JAGN1: variants seen among roughly 807,000 people sequenced by gnomAD.
JAGN1 encodes the protein protein jagunal homolog 1.
Under a neutral mutation model 17.1 loss-of-function variants are expected in JAGN1, and 13 were observed. The observed-to-expected ratio is 0.76, with a 90% CI of 0.49 to 1.21. The LOEUF is 1.21. Ranked by LOEUF, JAGN1 falls within the 50% of genes most tolerant of loss-of-function variation. The probability of loss-of-function intolerance (pLI) is 0.00; values close to 1 mark genes in which losing one functional copy is unlikely to be tolerated. For synonymous variants in JAGN1, 111 were observed against 91.0 expected (o/e 1.22, Z -1.25); for missense variants, 256 against 234.2 (o/e 1.09, Z -0.61).
At position 9,890,755 on chromosome 3, in the gene JAGN1, C is replaced by G; in HGVS notation, c.33C>G (p.Gly11=). Residue 11 remains glycine, a synonymous_variant, in exon 1 of 2, where the codon GGC becomes GGG. Transcript: ENST00000647897. MASRAGPRAA[G]TDGSDFQHRE... is the part of the protein sequence containing the mutation. ...CTCGAGCAGGCCCGCGAGCGGCCGG[C>G]ACCGACGGCAGCGACTTTCAGCACC... The G allele has an allele frequency of 3.1e-6, 5 of 1,609,968 alleles. No homozygotes were observed. The highest frequency in any genetic ancestry group is 4.2e-6 in the Non-Finnish European group (5 of 1,178,870).
rs1486170213 is a variant in JAGN1 at position 9,893,285 on chromosome 3, T to TAC, written c.460_461insAC (p.Leu154TyrfsTer18). On this transcript the variant is annotated frameshift_variant, in exon 2 of 2. Transcript: ENST00000647897. LOFTEE classifies it high-confidence loss of function. ...TTCCATCATGTACCTGGTGTTGGTGTTGGCAGTGCAAGTGCATGCCTGGCA... is the reference window on the plus strand; with the variant it reads ...TTCCATCATGTACCTGGTGTTGGTGTACTGGCAGTGCAAGTGCATGCCTGGCA... The TAC allele has an allele frequency of 6.2e-7, 1 of 1,614,224 alleles. No individual in the cohort carries two copies. Among genetic ancestry groups the TAC allele is most frequent in the Admixed American group, 1.7e-5 (1 of 60,020 alleles).
chr3:9,892,422 G>A (rs1440874881), intron 1 of JAGN1, among the ~76,000 whole-genome samples: 1 of 147,794 alleles, frequency 6.8e-6, no homozygotes, highest in Non-Finnish European at 1.5e-5. Context: ...CAGTCCTCCT[G>A]CTTCAGCCTA....
Position 9,893,156 on chromosome 3 carries a change from T to A in JAGN1, c.331T>A (p.Ser111Thr). Residue 111 changes from serine (S) to threonine (T), a missense_variant, in exon 2 of 2, where the codon TCC (serine) becomes ACC (threonine). Physicochemically the swap from Ser to Thr is moderately conservative, Grantham distance 58. Transcript: ENST00000647897. ...CTCCATGATCAGCATGGGACTCTTT[T>A]CCATCGCTCCACTCATTTATGGCAG... is the stretch of plus-strand genomic sequence containing the variant. ...VLSMISMGLFSIAPLIYGSME... is the reference protein window; with the variant it reads ...VLSMISMGLFTIAPLIYGSME... The A allele has an allele frequency of 6.2e-7, 1 of 1,614,198 alleles. No homozygotes were observed. The highest frequency in any genetic ancestry group is 8.5e-7 in the Non-Finnish European group (1 of 1,180,012).
intron 1 of JAGN1, 55 bp from the exon 2 acceptor site, chr3:9,892,860 T>C: frequency 2.1e-5 from 24 of 1,167,970 alleles, no homozygotes; most frequent in Non-Finnish European, 3.0e-5. Flanking sequence ...GTCTGGCATA[T>C]AGTTGGTGGT....
chr3:9,892,918 G>A lies in JAGN1; in HGVS notation c.93G>A (p.Val31=). 6.2e-7 allele frequency: 1 copy of A among 1,606,888 alleles called. No individual in the cohort carries two copies. Among genetic ancestry groups the A allele is most frequent in the Non-Finnish European group, 8.5e-7 (1 of 1,173,860 alleles). The part of the protein sequence containing the change: ...ERVAMHYQMS[V]TLKYEIKKLI... ...CTCCCTCTGCTCTGCCCCACAGTGT[G>A]ACTCTCAAGTATGAAATCAAGAAGC... is the stretch of plus-strand genomic sequence containing the variant. The change falls in exon 2 of 2, where the codon GTG becomes GTA. Residue 31 remains valine (V), a synonymous_variant. Coordinates refer to ENST00000647897, the MANE Select transcript of JAGN1 (RefSeq NM_032492.4).
rs1016016440 is a variant in JAGN1 at position 9,893,662 on chromosome 3, C to T, written c.*285C>T. 6 of 392,110 alleles carry T rather than the reference C, an allele frequency of 1.5e-5. No individual in the cohort carries two copies. The highest frequency in any genetic ancestry group is 1.0e-4 in the African/African-American group (5 of 49,380). 24.3% of individuals were successfully genotyped at this position (392,110 alleles called of 1,614,324 possible). A position where few individuals can be genotyped will look rare whatever the true frequency, so the allele number is the denominator to read the frequency against. ...AATGAGCTTCGTCCTTGCCTCTACT[C>T]GGTCATTCTCCCCATTTCCATCCAT... On this transcript the variant is annotated 3_prime_UTR_variant, in exon 2 of 2. Transcript: ENST00000647897.
chr3:9,893,224 C>T lies in JAGN1; in HGVS notation c.399C>T (p.Gly133=). 1.2e-6 allele frequency: 2 copies of T among 1,614,226 alleles called. No individual in the cohort carries two copies. Among genetic ancestry groups the T allele is most frequent in the Non-Finnish European group, 8.5e-7 (1 of 1,180,038 alleles). ...CTGCACAGCAGCTCTACCGCCATGG[C>T]AAGGCCTACCGTTTCCTCTTTGGTT... ...FPAAQQLYRH[G]KAYRFLFGFS... is the part of the protein sequence containing the mutation. The change falls in exon 2 of 2, where the codon GGC becomes GGT. Residue 133 remains glycine (G), a synonymous_variant. Transcript: ENST00000647897.
At position 9,892,345 on chromosome 3, in the gene JAGN1, T is replaced by G. The variant is rs1341782671; in HGVS notation, c.90-570T>G. 6.2e-5 allele frequency among the ~76,000 whole-genome samples: 9 copies of G among 145,730 alleles called. No individual in the cohort carries two copies. In the East Asian group the frequency reaches 1.2e-3, roughly 19 times the overall value. On this transcript the variant is annotated intron_variant, in intron 1 of 1. Coordinates refer to ENST00000647897, the MANE Select transcript of JAGN1 (RefSeq NM_032492.4). ...CTTTTTATTAGTAGTATTGTTGTTG[T>G]TTTTTTTTTTTATGGAGATGGGGTC...
rs1314153870 is a variant in JAGN1 at position 9,893,464 on chromosome 3, A to G, written c.*87A>G. 2.7e-6 allele frequency: 3 copies of G among 1,122,802 alleles called. No individual in the cohort carries two copies. Among genetic ancestry groups the G allele is most frequent in the East Asian group, 2.6e-5 (1 of 38,850 alleles). The allele number at this position is 1,122,802 out of a possible 1,614,324, so 69.6% of individuals were successfully genotyped here. On this transcript the variant is annotated 3_prime_UTR_variant, in exon 2 of 2. Transcript: ENST00000647897. ...CAAAATCCCTTCTGGTGATTTTAGC[A>G]GCTGTGATGTTGGTACCTGGTGCAG...
At position 9,893,173 on chromosome 3, in the gene JAGN1, T is replaced by A. The variant is rs772489827; in HGVS notation, c.348T>A (p.Ile116=). 6.2e-6 allele frequency: 10 copies of A among 1,614,230 alleles called. No individual in the cohort carries two copies. Among genetic ancestry groups the A allele is most frequent in the Non-Finnish European group, 8.5e-6 (10 of 1,180,030 alleles). The part of the protein sequence containing the change: ...SMGLFSIAPL[I]YGSMEMFPAA... ...GACTCTTTTCCATCGCTCCACTCAT[T>A]TATGGCAGCATGGAGATGTTCCCTG... Residue 116 remains isoleucine, a synonymous_variant, in exon 2 of 2, where the codon ATT becomes ATA. Transcript: ENST00000647897.
intron 1 of JAGN1, among the ~76,000 whole-genome samples, chr3:9,891,795 G>A (rs904712528): frequency 1.3e-5 from 2 of 152,104 alleles, no homozygotes; most frequent in African/African-American, 2.4e-5. Flanking sequence ...TGCCTTTAGG[G>A]ATATGAGGAG....
rs2082573471 is a variant in JAGN1, at chr3:9,893,040, A to G, written c.215A>G (p.Tyr72Cys). 4 of 1,614,164 alleles carry G rather than the reference A, an allele frequency of 2.5e-6. No individual in the cohort carries two copies. Among genetic ancestry groups the G allele is most frequent in the South Asian group, 1.1e-5 (1 of 91,074 alleles). The change falls in exon 2 of 2, where the codon TAT becomes TGT. Residue 72 changes from tyrosine (Y) to cysteine (C), a missense_variant. Coordinates refer to ENST00000647897, the MANE Select transcript of JAGN1 (RefSeq NM_032492.4). Reference protein sequence around the residue: ...LLSHDQVAMPYQWEYPYLLSI... With the variant: ...LLSHDQVAMPCQWEYPYLLSI... ...TCACATGATCAGGTGGCCATGCCCTATCAGTGGGAATACCCGTATTTGCTG... is the reference window on the plus strand; with the variant it reads ...TCACATGATCAGGTGGCCATGCCCTGTCAGTGGGAATACCCGTATTTGCTG...
At position 9,893,927 on chromosome 3, in the gene JAGN1, A is replaced by T. The variant is rs2082580026; in HGVS notation, c.*550A>T. On this transcript the variant is annotated 3_prime_UTR_variant, in exon 2 of 2. Coordinates refer to ENST00000647897, the MANE Select transcript of JAGN1 (RefSeq NM_032492.4). ...AAGGTGTGGCCTTAGACACTAGGAG[A>T]TGATGGGTAGAAGCTCCTTGAGAAA... is the stretch of plus-strand genomic sequence containing the variant. 1 of 155,726 alleles carries T rather than the reference A, an allele frequency of 6.4e-6. No individual in the cohort carries two copies. The highest frequency in any genetic ancestry group is 1.9e-4 in the South Asian group (1 of 5,152). 9.6% of individuals were successfully genotyped at this position (155,726 alleles called of 1,614,324 possible).
chr3:9,891,725 G>A (rs554593761), intron 1 of JAGN1, among the ~76,000 whole-genome samples: 45 of 152,182 alleles, frequency 3.0e-4, no homozygotes, highest in Admixed American at 2.4e-3. Flanking sequence ...TCTAGGCCCC[G>A]GCTGAAAGGG....
rs1297723571 is a variant in JAGN1, at chr3:9,894,062, A to T, written c.*685A>T. Reference sequence around the variant, plus strand: ...GGCCAGACATTTAATCTCTCCATCTATGAAATAGTCCATTCTCATTTATCT... The same window carrying T: ...GGCCAGACATTTAATCTCTCCATCTTTGAAATAGTCCATTCTCATTTATCT... On this transcript the variant is annotated 3_prime_UTR_variant, in exon 2 of 2. Coordinates refer to ENST00000647897, the MANE Select transcript of JAGN1 (RefSeq NM_032492.4). 6.6e-6 allele frequency: 1 copy of T among 152,360 alleles called. No individual in the cohort carries two copies. The highest frequency in any genetic ancestry group is 1.5e-5 in the Non-Finnish European group (1 of 68,150). 9.4% of individuals were successfully genotyped at this position (152,360 alleles called of 1,614,324 possible). A position where few individuals can be genotyped will look rare whatever the true frequency, so the allele number is the denominator to read the frequency against.
rs2082576502 is a variant in JAGN1 at position 9,893,394 on chromosome 3, A to G, written c.*17A>G. 6.4e-7 allele frequency: 1 copy of G among 1,568,670 alleles called. No homozygotes were observed. Among genetic ancestry groups the G allele is most frequent in the Non-Finnish European group, 8.7e-7 (1 of 1,152,692 alleles). Reference sequence around the variant, plus strand: ...CATAAATGAAGCCTCTTTGGGGTGAAGCCTGGACATCCCATCGAATGAAAG... The same window carrying G: ...CATAAATGAAGCCTCTTTGGGGTGAGGCCTGGACATCCCATCGAATGAAAG... On this transcript the variant is annotated 3_prime_UTR_variant, in exon 2 of 2. Coordinates refer to ENST00000647897, the MANE Select transcript of JAGN1 (RefSeq NM_032492.4).
At position 9,893,282 on chromosome 3, in the gene JAGN1, G is replaced by T. The variant is rs1041498115; in HGVS notation, c.457G>T (p.Val153Leu). The T allele has an allele frequency of 5.3e-5, 86 of 1,614,092 alleles. No homozygotes were observed. Among genetic ancestry groups the T allele is most frequent in the Non-Finnish European group, 7.1e-5 (84 of 1,180,056 alleles). ...CGTTTCCATCATGTACCTGGTGTTG[G>T]TGTTGGCAGTGCAAGTGCATGCCTG... ...SAVSIMYLVL[V>L]LAVQVHAWQL... is the part of the protein sequence containing the mutation. The change falls in exon 2 of 2, where the codon GTG becomes TTG. Residue 153 changes from valine to leucine, a missense_variant. By Grantham distance (32) the Val-to-Leu change is conservative. Coordinates refer to ENST00000647897, the MANE Select transcript of JAGN1 (RefSeq NM_032492.4).
intron 1 of JAGN1, chr3:9,892,701 T>G: frequency 1.8e-6 from 1 of 553,172 alleles, no homozygotes; most frequent in Admixed American, 3.4e-5. Context: ...CAGAGTTGAT[T>G]CCTCCTTCCT....
intron 1 of JAGN1, 197 bp from the exon 2 acceptor site, chr3:9,892,718 C>G: frequency 1.7e-6 from 1 of 576,616 alleles, no homozygotes; most frequent in Non-Finnish European, 3.1e-6. Flanking sequence ...TCCTGTGATC[C>G]CATATATCTG....
Sources: allele counts gnomAD v4.1 joint callset (sites outside exome capture counted in the v4.1 genomes callset), GRCh38; gene constraint gnomAD v4.1.1; transcripts MANE v1.5; gene names NCBI Gene and HGNC (gene_info 2026-07-23, HGNC 2026-07-21).